The following CCDC85A variants were observed in gnomAD, a reference collection of about 807,000 sequenced individuals.
The protein encoded by CCDC85A is coiled-coil domain containing 85A.
CCDC85A carries 38 observed loss-of-function variants against 50.2 expected under a neutral mutation model. The ratio of observed to expected loss-of-function variants is 0.76; its 90% CI spans 0.58 to 0.99. CCDC85A has a LOEUF of 0.99. Ranked by LOEUF, CCDC85A falls within the 50% of genes least tolerant of loss-of-function variation. The probability of loss-of-function intolerance (pLI) is 0.00; values close to 1 mark genes in which losing one functional copy is unlikely to be tolerated. For missense variants in CCDC85A, 820 were observed against 742.0 expected (o/e 1.11, Z -1.22); for synonymous variants, 366 against 301.4 (o/e 1.21, Z -2.22).
intron 2 of CCDC85A, among the ~76,000 whole-genome samples, chr2:56,307,404 TACATTGGCAGGAGTAAC>T (rs1672492841): frequency 1.3e-5 from 2 of 152,142 alleles, no homozygotes; most frequent in Admixed American, 1.3e-4. Context: ...GCAGTCTCCC[TACATTGGCAGGAGTAAC>T]ACTAGTGCCT....
chr2:56,203,669 G>A (rs903643829), intron 2 of CCDC85A, among the ~76,000 whole-genome samples: 5 of 152,034 alleles, frequency 3.3e-5, no homozygotes, highest in Admixed American at 2.6e-4. Flanking sequence ...TTTACATTTC[G>A]AGTATCCCTG....
chr2:56,265,265 T>C (rs1573129787), intron 2 of CCDC85A, among the ~76,000 whole-genome samples: 1 of 152,210 alleles, frequency 6.6e-6, no homozygotes, highest in African/African-American at 2.4e-5. Context: ...TTGCCTATAG[T>C]TGAACAAACT....
At chr2:56,218,879 C>A (rs1450435132) in intron 2 of CCDC85A, among the ~76,000 whole-genome samples, 1 of 151,682 alleles carries the variant, frequency 6.6e-6, no homozygotes, top group African/African-American at 2.4e-5. Flanking sequence ...ATGAAAGACT[C>A]ACATCTTAAA....
rs1670914909 is a variant in CCDC85A, at chr2:56,275,923, C to CTT, written c.1241-66952_1241-66951dup. On this transcript the variant is annotated intron_variant, in intron 2 of 5. Transcript: ENST00000407595. ...TTTGTTTTGGTATTTTTGTAGGTCC[C>CTT]TTTTTGCTAATTAGGAGAAAAGACT... Among the ~76,000 whole-genome samples the CTT allele has an allele frequency of 2.0e-5, 3 of 152,104 alleles. No individual in the cohort carries two copies. In the South Asian group the frequency reaches 6.2e-4, roughly 32 times the overall value.
At chr2:56,380,219 C>T (rs1295542636) in intron 5 of CCDC85A, among the ~76,000 whole-genome samples, 1 of 152,092 alleles carries the variant, frequency 6.6e-6, no homozygotes, top group Non-Finnish European at 1.5e-5. Flanking sequence ...AAAGAAAATA[C>T]AGCCACCTTT....
intron 2 of CCDC85A, among the ~76,000 whole-genome samples, chr2:56,332,344 G>A (rs556974561): frequency 5.9e-5 from 9 of 152,140 alleles, no homozygotes; most frequent in African/African-American, 2.2e-4. Flanking sequence ...GAAATTTATT[G>A]CTCACAGTTT....
At chr2:56,229,780 A>G (rs1668701254) in intron 2 of CCDC85A, among the ~76,000 whole-genome samples, 1 of 152,190 alleles carries the variant, frequency 6.6e-6, no homozygotes, top group Admixed American at 6.5e-5. Flanking sequence ...TTTCAAAACA[A>G]TATAGAGTAC....
In CCDC85A at chr2:56,237,115, C is replaced by T. The variant is rs75952586; in HGVS notation, c.1240+43675C>T. Among the ~76,000 whole-genome samples, 1,644 of 152,244 alleles carry T rather than the reference C, an allele frequency of 0.011. 109 individuals are homozygous for T. In the East Asian group the frequency reaches 0.2, roughly 18 times the overall value. On this transcript the variant is annotated intron_variant, in intron 2 of 5. Coordinates refer to ENST00000407595, the MANE Select transcript of CCDC85A (RefSeq NM_001080433.2). ...GGCATTTTTCTTATGTTGGGATTCT[C>T]TCTGAGGATAGACTCAGAATCTGAT...
At chr2:56,239,560 A>T (rs1669166219) in intron 2 of CCDC85A, among the ~76,000 whole-genome samples, 1 of 152,114 alleles carries the variant, frequency 6.6e-6, no homozygotes, top group African/African-American at 2.4e-5. Context: ...ACAGAGGCAC[A>T]CTATTTACTT....
intron 2 of CCDC85A, among the ~76,000 whole-genome samples, chr2:56,210,684 C>T (rs543326051): frequency 3.6e-4 from 54 of 152,044 alleles, no homozygotes; most frequent in African/African-American, 1.3e-3. Context: ...GTGCAGATTC[C>T]AGAATTTCCA....
intron 2 of CCDC85A, among the ~76,000 whole-genome samples, chr2:56,291,586 A>G (rs140787154): frequency 8.1e-4 from 123 of 152,310 alleles, no homozygotes; most frequent in African/African-American, 2.7e-3. Flanking sequence ...AGAAGATCAG[A>G]GAGATCAGTA....
chr2:56,195,131 A>C (rs1676474914), intron 2 of CCDC85A, among the ~76,000 whole-genome samples: 1 of 152,248 alleles, frequency 6.6e-6, no homozygotes, highest in Admixed American at 6.5e-5. Flanking sequence ...AATATTAGGG[A>C]CAAGTGGATC....
chr2:56,304,453 A>C (rs1248637325), intron 2 of CCDC85A, among the ~76,000 whole-genome samples: 1 of 152,186 alleles, frequency 6.6e-6, no homozygotes, highest in Non-Finnish European at 1.5e-5. Context: ...TATTTATGTG[A>C]GAGTTCACCG....
At chr2:56,276,557 C>G (rs988479570) in intron 2 of CCDC85A, among the ~76,000 whole-genome samples, 1 of 152,116 alleles carries the variant, frequency 6.6e-6, no homozygotes. Flanking sequence ...ACCCATTTAG[C>G]TTGGCTCTCA....
At position 56,312,553 on chromosome 2, in the gene CCDC85A, A is replaced by C. The variant is rs562030258; in HGVS notation, c.1241-30326A>C. On this transcript the variant is annotated intron_variant, in intron 2 of 5. Coordinates refer to ENST00000407595, the MANE Select transcript of CCDC85A (RefSeq NM_001080433.2). ...AACTTTACTATTTTACATGATTATA[A>C]AGATTTATGATGATTTTATTTTTGC... 8.5e-5 allele frequency among the ~76,000 whole-genome samples: 13 copies of C among 152,208 alleles called. No individual in the cohort carries two copies. The South Asian group carries it at 2.3e-3, about 27-fold the overall frequency.
At chr2:56,294,732 A>G (rs2104162045) in intron 2 of CCDC85A, among the ~76,000 whole-genome samples, 1 of 152,356 alleles carries the variant, frequency 6.6e-6, no homozygotes, top group East Asian at 1.9e-4. Flanking sequence ...TGAAAAAGTG[A>G]TAATGTTTCT....
chr2:56,193,367 G>T lies in CCDC85A; in HGVS notation c.1167G>T (p.Arg389Ser). 6.2e-7 allele frequency: 1 copy of T among 1,611,572 alleles called. No homozygotes were observed. The highest frequency in any genetic ancestry group is 8.5e-7 in the Non-Finnish European group (1 of 1,178,814). The change falls in exon 2 of 6, where the codon AGG becomes AGT. Residue 389 changes from arginine to serine, a missense_variant. Coordinates refer to ENST00000407595, the MANE Select transcript of CCDC85A (RefSeq NM_001080433.2). ...GTGGAGGCAGCGGCGGAGGCAGCAG[G>T]GAGGGCACCCTCAGACGGCAGGCAC... ...GGSGGSGGGS[R>S]EGTLRRQAQE...
rs538638427 is a variant in CCDC85A at position 56,201,431 on chromosome 2, CGTT to C, written c.1240+7996_1240+7998del. Among the ~76,000 whole-genome samples, 530 of 152,120 alleles carry C rather than the reference CGTT, an allele frequency of 3.5e-3. 3 individuals carry two copies. Among genetic ancestry groups the C allele is most frequent in the African/African-American group, 0.012 (512 of 41,484 alleles). On this transcript the variant is annotated intron_variant, in intron 2 of 5. Transcript: ENST00000407595. ...CTAGTGAGATCTAGTTACATATAGT[CGTT>C]GTTGCATTAAACTCAGAATTTTGCC...
chr2:56,318,172 T>C (rs971467925), intron 2 of CCDC85A, among the ~76,000 whole-genome samples: 1 of 152,142 alleles, frequency 6.6e-6, no homozygotes, highest in African/African-American at 2.4e-5. Flanking sequence ...GACTTAATGC[T>C]TAATATTCTT....
Sources: gnomAD v4.1 joint callset for allele counts (sites outside exome capture counted in the v4.1 genomes callset) on GRCh38, gnomAD v4.1.1 for gene constraint, MANE v1.5 for transcripts, NCBI Gene and HGNC (gene_info 2026-07-23, HGNC 2026-07-21) for gene names.